Variants in ROBO2 observed in about 807,000 individuals in gnomAD.
ROBO2 encodes the protein roundabout guidance receptor 2, also known as roundabout homolog 2.
Under a neutral mutation model 160.8 loss-of-function variants are expected in ROBO2, and 53 were observed. The observed-to-expected ratio is 0.33, with a 90% CI of 0.26 to 0.41. The LOEUF (loss-of-function observed/expected upper bound fraction) is 0.41. Ranked by LOEUF, ROBO2 falls within the 10% of genes least tolerant of loss-of-function variation. The pLI is 1.00. For synonymous variants in ROBO2, 664 were observed against 611.7 expected, an observed-to-expected ratio of 1.09 and a Z score of -1.26; for missense variants, 1,577 against 1,722.4, an observed-to-expected ratio of 0.92 and a Z score of 1.49.
chr3:77,507,852 G>T (rs1400494090), intron 5 of ROBO2, among the ~76,000 whole-genome samples: 2 of 151,716 alleles, frequency 1.3e-5, no homozygotes, highest in African/African-American at 4.8e-5. Context: ...ACTTATTCAA[G>T]AACTTATTGA....
In ROBO2 at chr3:77,551,094, T is replaced by C. The variant is rs2092904064; in HGVS notation, c.1231+105T>C. The C allele has an allele frequency of 2.5e-6, 3 of 1,217,460 alleles. No homozygotes were observed. In the African/African-American group the frequency reaches 4.5e-5, roughly 18 times the overall value. 75.4% of individuals were successfully genotyped at this position (1,217,460 alleles called of 1,614,324 possible). A position where few individuals can be genotyped will look rare whatever the true frequency, so the allele number is the denominator to read the frequency against. Reference sequence around the variant, plus strand: ...TGATTTGTTAAATCATTTCTATGTATGCTTATCTTTTAAGTTTGAATCCAG... The same window carrying C: ...TGATTTGTTAAATCATTTCTATGTACGCTTATCTTTTAAGTTTGAATCCAG... On this transcript the variant is annotated intron_variant, in intron 8 of 25. Transcript: ENST00000461745.
chr3:77,182,202 G>C (rs2080853963), intron 2 of ROBO2, among the ~76,000 whole-genome samples: 1 of 151,950 alleles, frequency 6.6e-6, no homozygotes, highest in Non-Finnish European at 1.5e-5. Context: ...CCAACAGTTG[G>C]GACTGAATAT....
intron 2 of ROBO2, among the ~76,000 whole-genome samples, chr3:76,798,259 GGAAAGAAAGAAAGAAAGAAA>G (rs71104619): frequency 1.0e-3 from 94 of 94,284 alleles, no homozygotes; most frequent in Middle Eastern, 5.3e-3. Context: ...AAAGAAAGAA[GGAAAGAAAGAAAGAAAGAAA>G]GAAAGAAAGA....
At chr3:76,798,138 AAG>A (rs745910166) in intron 2 of ROBO2, among the ~76,000 whole-genome samples, 1 of 70,102 alleles carries the variant, frequency 1.4e-5, no homozygotes, top group African/African-American at 6.1e-5. Context: ...AGAAAGAAGA[AAG>A]AGAAAGAAAG....
intron 1 of ROBO2, among the ~76,000 whole-genome samples, chr3:75,911,973 T>C (rs1246398488): frequency 6.6e-6 from 1 of 152,208 alleles, no homozygotes; most frequent in Admixed American, 6.5e-5. Context: ...GGTAGAAATT[T>C]GATAGTATTT....
At chr3:75,967,045 TGTTGA>T (rs1949140840) in intron 2 of ROBO2, among the ~76,000 whole-genome samples, 1 of 151,744 alleles carries the variant, frequency 6.6e-6, no homozygotes, top group African/African-American at 2.4e-5. Flanking sequence ...ATTTTCTGGC[TGTTGA>T]GTTGATGGGA....
intron 2 of ROBO2, among the ~76,000 whole-genome samples, chr3:76,493,481 T>G (rs2079965307): frequency 6.6e-6 from 1 of 151,684 alleles, no homozygotes; most frequent in African/African-American, 2.4e-5. Flanking sequence ...TAGGCTGTTA[T>G]TTTAGTCTTG....
chr3:75,918,719 T>C (rs1206148455), intron 1 of ROBO2, among the ~76,000 whole-genome samples: 1 of 152,164 alleles, frequency 6.6e-6, no homozygotes, highest in African/African-American at 2.4e-5. Flanking sequence ...GAGCTCTGGT[T>C]TGTAGTTGTC....
At position 77,047,906 on chromosome 3, in the gene ROBO2, G is replaced by T. The variant is rs1045764713; in HGVS notation, c.61+7060G>T. Among the ~76,000 whole-genome samples, 9 of 151,878 alleles carry T rather than the reference G, an allele frequency of 5.9e-5. No homozygotes were observed. The East Asian group carries it at 1.6e-3, about 26-fold the overall frequency. On this transcript the variant is annotated intron_variant, in intron 1 of 25. Coordinates refer to ENST00000461745, the Ensembl canonical transcript of ROBO2. Reference sequence around the variant, plus strand: ...AAAATACAAAAAAATAATTAGCCGGGTGTGGTGGCGGGCGCCTGTAGTCCC... The same window carrying T: ...AAAATACAAAAAAATAATTAGCCGGTTGTGGTGGCGGGCGCCTGTAGTCCC...
chr3:76,498,007 A>AT (rs2080248549), intron 2 of ROBO2, among the ~76,000 whole-genome samples: 1 of 152,112 alleles, frequency 6.6e-6, no homozygotes, highest in South Asian at 2.1e-4. Flanking sequence ...CCCTTACACT[A>AT]TATTTTAAAC....
intron 2 of ROBO2, among the ~76,000 whole-genome samples, chr3:76,945,033 C>A (rs2078436506): frequency 6.6e-6 from 1 of 151,830 alleles, no homozygotes; most frequent in East Asian, 1.9e-4. Flanking sequence ...GGACTACAGG[C>A]GCCCGCCACC....
chr3:77,176,215 A>G (rs2080136612), intron 2 of ROBO2, among the ~76,000 whole-genome samples: 1 of 149,462 alleles, frequency 6.7e-6, no homozygotes, highest in South Asian at 2.1e-4. Flanking sequence ...GCTAATTGAG[A>G]AAAAAAAGGT....
intron 2 of ROBO2, among the ~76,000 whole-genome samples, chr3:76,731,562 G>T (rs907394298): frequency 4.6e-5 from 7 of 152,112 alleles, no homozygotes; most frequent in Admixed American, 4.6e-4. Context: ...CTGTTGCCTG[G>T]CATTGAATGA....
At chr3:76,914,027 C>A (rs1235104526) in intron 2 of ROBO2, among the ~76,000 whole-genome samples, 1 of 152,092 alleles carries the variant, frequency 6.6e-6, no homozygotes, top group African/African-American at 2.4e-5. Context: ...GTGAATAATA[C>A]TCCTTTAGAT....
intron 2 of ROBO2, among the ~76,000 whole-genome samples, chr3:76,548,910 T>C (rs2083264467): frequency 6.6e-6 from 1 of 152,154 alleles, no homozygotes; most frequent in African/African-American, 2.4e-5. Context: ...TGGATTATAG[T>C]GAAGACTGAG....
intron 2 of ROBO2, among the ~76,000 whole-genome samples, chr3:75,981,466 C>T (rs116248964): frequency 6.6e-5 from 10 of 150,978 alleles, no homozygotes; most frequent in African/African-American, 2.2e-4. Context: ...AAAAATAACT[C>T]GTGACTCTGT....
At chr3:77,330,838 CTTTG>C (rs1187654438) in intron 2 of ROBO2, among the ~76,000 whole-genome samples, 7 of 152,078 alleles carry the variant, frequency 4.6e-5, no homozygotes, top group South Asian at 2.1e-4. Context: ...CAGTAATAAT[CTTTG>C]TTTATTTGGT....
intron 2 of ROBO2, among the ~76,000 whole-genome samples, chr3:76,071,239 T>C (rs1449950337): frequency 1.3e-5 from 2 of 152,184 alleles, no homozygotes; most frequent in East Asian, 3.9e-4. Flanking sequence ...AGATCTCCTC[T>C]TTGTCAAAAC....
intron 2 of ROBO2, among the ~76,000 whole-genome samples, chr3:76,639,732 G>A (rs1424652541): frequency 6.6e-6 from 1 of 152,044 alleles, no homozygotes; most frequent in Non-Finnish European, 1.5e-5. Context: ...ATGCTCTTCC[G>A]CTGACACTCC....
Sources: allele counts gnomAD v4.1 joint callset (sites outside exome capture counted in the v4.1 genomes callset), GRCh38; gene constraint gnomAD v4.1.1; transcripts MANE v1.5; gene names NCBI Gene and HGNC (gene_info 2026-07-23, HGNC 2026-07-21).